Variants in DLC1 observed in about 807,000 individuals in gnomAD.
The protein encoded by DLC1 is DLC1 Rho GTPase activating protein, also known as rho GTPase-activating protein 7.
DLC1 carries 54 observed loss-of-function variants against 140.3 expected under a neutral mutation model. That is an observed-to-expected ratio of 0.38 (90% CI 0.31 to 0.48). The LOEUF is 0.48. Ranked by LOEUF, DLC1 falls within the 20% of genes least tolerant of loss-of-function variation. The pLI, the probability that DLC1 is intolerant of heterozygous loss-of-function variation, is 0.96. For missense variants in DLC1, 2,536 were observed against 1,907.0 expected (o/e 1.33, Z -6.14); for synonymous variants, 986 against 728.1 (o/e 1.35, Z -5.70).
intron 5 of DLC1, among the ~76,000 whole-genome samples, chr8:13,251,931 A>C (rs944480982): frequency 7.2e-5 from 11 of 152,182 alleles, no homozygotes; most frequent in African/African-American, 2.7e-4. Context: ...AATAATATAC[A>C]TTTTTATAAA....
intron 5 of DLC1, among the ~76,000 whole-genome samples, chr8:13,217,315 A>G (rs1234206578): frequency 3.9e-5 from 6 of 152,294 alleles, no homozygotes; most frequent in African/African-American, 1.4e-4. Context: ...AATGTATAAA[A>G]TATCATTTTA....
At chr8:13,480,373 A>G (rs1332567455) in intron 2 of DLC1, among the ~76,000 whole-genome samples, 1 of 152,194 alleles carries the variant, frequency 6.6e-6, no homozygotes, top group Non-Finnish European at 1.5e-5. Context: ...CATAACATAG[A>G]AAACAGGAAC....
chr8:13,226,882 C>T (rs774718494), intron 5 of DLC1, among the ~76,000 whole-genome samples: 1 of 152,148 alleles, frequency 6.6e-6, no homozygotes, highest in Non-Finnish European at 1.5e-5. Context: ...TTGATTGGTT[C>T]TGAGCTTCCC....
intron 5 of DLC1, among the ~76,000 whole-genome samples, chr8:13,213,952 T>C (rs1585923616): frequency 6.6e-6 from 1 of 152,110 alleles, no homozygotes; most frequent in East Asian, 1.9e-4. Context: ...CCTGGCTAAT[T>C]TTTGTATGTT....
intron 4 of DLC1, chr8:13,353,444 G>C (rs751086041): frequency 1.3e-5 from 2 of 151,956 alleles, no homozygotes; most frequent in Non-Finnish European, 2.9e-5. Flanking sequence ...ACTAGAGTGG[G>C]AATGAGTGTG....
intron 4 of DLC1, among the ~76,000 whole-genome samples, chr8:13,366,874 A>C (rs892881860): frequency 1.3e-5 from 2 of 152,030 alleles, no homozygotes; most frequent in South Asian, 2.1e-4. Flanking sequence ...GGGCTCTCCC[A>C]CACACACTCA....
chr8:13,127,119 G>C (rs1821647869), intron 5 of DLC1, among the ~76,000 whole-genome samples: 1 of 152,210 alleles, frequency 6.6e-6, no homozygotes, highest in African/African-American at 2.4e-5. Context: ...AAAAAAGTAA[G>C]ATTTGCTGTG....
chr8:13,170,217 A>C (rs1247805338), intron 5 of DLC1, among the ~76,000 whole-genome samples: 1 of 152,196 alleles, frequency 6.6e-6, no homozygotes, highest in Non-Finnish European at 1.5e-5. Flanking sequence ...AGATGTTATG[A>C]TGGATACATT....
rs1385530515 is a variant in DLC1 at position 13,499,578 on chromosome 8, C to T, written c.494G>A (p.Gly165Glu). 1.2e-6 allele frequency: 2 copies of T among 1,614,024 alleles called. No individual in the cohort carries two copies. Among genetic ancestry groups the T allele is most frequent in the Non-Finnish European group, 1.7e-6 (2 of 1,180,006 alleles). Residue 165 changes from glycine to glutamate, a missense_variant, in exon 2 of 18, where the codon GGA (glycine) becomes GAA (glutamate). Transcript: ENST00000276297. ...QSNQVSSNSW[G>E]IAGETELALV... ...TGCTAATTCAGTTTCACCAGCTATT[C>T]CCCAGGAGTTAGAAGAAACTTGGTT...
At chr8:13,260,203 C>T (rs924629450) in intron 5 of DLC1, among the ~76,000 whole-genome samples, 5 of 152,102 alleles carry the variant, frequency 3.3e-5, no homozygotes, top group African/African-American at 9.7e-5. Context: ...TGATCTTGAT[C>T]GTTTCTGAGC....
Position 13,092,638 on chromosome 8 carries a change from G to A in DLC1, c.3714C>T (p.Thr1238=). The A allele has an allele frequency of 6.2e-7, 1 of 1,614,132 alleles. No individual in the cohort carries two copies. Among genetic ancestry groups the A allele is most frequent in the African/African-American group, 1.3e-5 (1 of 75,042 alleles). ...CLAPSLFHLN[T]LKRENSSPRV... ...TGGGAGAGGAATTCTCTCTCTTCAG[G>A]GTGTTGAGATGGAAGAGGGAAGGCG... The change falls in exon 13 of 18, where the codon ACC becomes ACT. Residue 1238 remains threonine, a synonymous_variant. Coordinates refer to ENST00000276297, the MANE Select transcript of DLC1 (RefSeq NM_182643.3).
intron 4 of DLC1, among the ~76,000 whole-genome samples, chr8:13,322,331 T>C (rs1833157558): frequency 6.6e-6 from 1 of 152,200 alleles, no homozygotes; most frequent in Non-Finnish European, 1.5e-5. Flanking sequence ...GTTACTTGTT[T>C]GAAAGCTTCT....
chr8:13,571,809 T>G (rs1804662358), intron 1 of DLC1, among the ~76,000 whole-genome samples: 1 of 152,202 alleles, frequency 6.6e-6, no homozygotes, highest in Non-Finnish European at 1.5e-5. Flanking sequence ...GTTGCAACGT[T>G]TTACATTTCC....
intron 5 of DLC1, among the ~76,000 whole-genome samples, chr8:13,196,733 G>A (rs959590745): frequency 6.6e-6 from 1 of 152,144 alleles, no homozygotes; most frequent in South Asian, 2.1e-4. Flanking sequence ...TTTATGTCAC[G>A]AGAGTCATGA....
At chr8:13,469,045 G>A (rs1475136032) in intron 2 of DLC1, among the ~76,000 whole-genome samples, 4 of 151,516 alleles carry the variant, frequency 2.6e-5, no homozygotes, top group Non-Finnish European at 5.9e-5. Flanking sequence ...GGTCTCGAAC[G>A]CCTGACCTCG....
intron 5 of DLC1, among the ~76,000 whole-genome samples, chr8:13,120,490 C>T (rs1820967772): frequency 6.6e-6 from 1 of 151,396 alleles, no homozygotes; most frequent in East Asian, 1.9e-4. Context: ...CTACCCCATG[C>T]TTGTTTTGGG....
chr8:13,346,880 A>G (rs1834365546), intron 4 of DLC1, among the ~76,000 whole-genome samples: 1 of 152,180 alleles, frequency 6.6e-6, no homozygotes, highest in Admixed American at 6.5e-5. Flanking sequence ...CCATTTATCC[A>G]TGGTTTCACT....
intron 4 of DLC1, among the ~76,000 whole-genome samples, chr8:13,313,823 AG>A (rs1370682365): frequency 6.6e-6 from 1 of 152,116 alleles, no homozygotes; most frequent in Non-Finnish European, 1.5e-5. Context: ...AGTTTTATAA[AG>A]CTCAGTGTGG....
At chr8:13,214,370 GACC>G (rs2117120403) in intron 5 of DLC1, 1 of 366,926 alleles carries the variant, frequency 2.7e-6, no homozygotes, top group East Asian at 4.5e-5. Context: ...TAGCTTTCGG[GACC>G]CTGTTGACAG....
Sources: allele counts gnomAD v4.1 joint callset (sites outside exome capture counted in the v4.1 genomes callset), GRCh38; gene constraint gnomAD v4.1.1; transcripts MANE v1.5; gene names NCBI Gene and HGNC (gene_info 2026-07-23, HGNC 2026-07-21).